Variants in LYPD5 observed in about 807,000 individuals in gnomAD.
The protein encoded by LYPD5 is LY6/PLAUR domain containing 5, also known as ly6/PLAUR domain-containing protein 5.
A neutral mutation model predicts 19.1 loss-of-function variants in LYPD5; 21 were observed. The ratio of observed to expected loss-of-function variants is 1.10; its 90% confidence interval spans 0.78 to 1.58. The LOEUF (loss-of-function observed/expected upper bound fraction) is 1.58. Among genes scored for constraint, LYPD5 ranks in the 40% most tolerant of loss-of-function variants. The pLI is 0.00. For missense variants in LYPD5, 287 were observed against 329.8 expected, an observed-to-expected ratio of 0.87 and a Z score of 1.00; for synonymous variants, 128 against 142.7, an observed-to-expected ratio of 0.90 and a Z score of 0.74.
intron 4 of LYPD5, 67 bp from the exon 5 acceptor site, chr19:43,797,896 C>A: frequency 7.9e-7 from 1 of 1,266,488 alleles, no homozygotes; most frequent in Non-Finnish European, 1.1e-6. Context: ...GAACCTTCAC[C>A]TTGGTAGCTA....
At chr19:43,814,225 G>T (rs146981760) in intron 1 of LYPD5, among the ~76,000 whole-genome samples, 5 of 152,212 alleles carry the variant, frequency 3.3e-5, no homozygotes, top group African/African-American at 1.2e-4. Flanking sequence ...AGGTGTGGTG[G>T]CTCAGCCTGT....
chr19:43,797,615 G>C lies in LYPD5; in HGVS notation c.732C>G (p.Leu244=), dbSNP rs578055689. Residue 244 remains leucine (L), a synonymous_variant, in exon 5 of 5, where the codon CTC becomes CTG. Coordinates refer to ENST00000377950, the MANE Select transcript of LYPD5 (RefSeq NM_001031749.3). ...LQVLALLLPV[L]LLVGLSA ...TCTATGCTGAGAGCCCCACCAGCAG[G>C]AGGACTGGGAGGAGCAGGGCCAGGA... The C allele has an allele frequency of 5.6e-6, 9 of 1,608,380 alleles. No homozygotes were observed. The highest frequency in any genetic ancestry group is 3.3e-5 in the South Asian group (3 of 90,688).
chr19:43,798,670 C>T, intron 3 of LYPD5, 69 bp from the exon 4 acceptor site: 8 of 1,596,666 alleles, frequency 5.0e-6, no homozygotes, highest in Non-Finnish European at 6.8e-6. Context: ...CTGCGCACTG[C>T]GCCAGAGCCC....
At chr19:43,813,538 C>T (rs1239245406) in intron 1 of LYPD5, among the ~76,000 whole-genome samples, 1 of 152,230 alleles carries the variant, frequency 6.6e-6, no homozygotes, top group Non-Finnish European at 1.5e-5. Flanking sequence ...GCATAGCTTT[C>T]ACCCTTGCCA....
At chr19:43,807,830 T>C (rs1241018407) in intron 1 of LYPD5, among the ~76,000 whole-genome samples, 1 of 152,218 alleles carries the variant, frequency 6.6e-6, no homozygotes, top group African/African-American at 2.4e-5. Context: ...TCTGATCAGC[T>C]GAGGCAATGC....
rs759693708 is a variant in LYPD5, at chr19:43,798,837, A to G, written c.345T>C (p.His115=). The G allele has an allele frequency of 5.6e-6, 9 of 1,610,644 alleles. No individual in the cohort carries two copies. The highest frequency in any genetic ancestry group is 6.8e-6 in the Non-Finnish European group (8 of 1,178,670). Residue 115 remains histidine (H), a synonymous_variant, in exon 3 of 5, where the codon CAT becomes CAC. Transcript: ENST00000377950. ...CTTGGCTCAGGTTGGGGAGGGCGTCATGAGTCATGAGGTGGGCGTTGCATT... is the reference window on the plus strand; with the variant it reads ...CTTGGCTCAGGTTGGGGAGGGCGTCGTGAGTCATGAGGTGGGCGTTGCATT... ...TDKCNAHLMT[H]DALPNLSQAP... is the part of the protein sequence containing the mutation.
At chr19:43,818,058 T>A (rs941472286) in intron 1 of LYPD5, among the ~76,000 whole-genome samples, 1 of 151,904 alleles carries the variant, frequency 6.6e-6, no homozygotes. Flanking sequence ...CTATAATGAG[T>A]TCTACCAGAA....
At chr19:43,820,073 C>T (rs1275067201) in intron 1 of LYPD5, among the ~76,000 whole-genome samples, 1 of 151,260 alleles carries the variant, frequency 6.6e-6, no homozygotes, top group Non-Finnish European at 1.5e-5. Flanking sequence ...TACACACAAA[C>T]CCACACACTT....
intron 1 of LYPD5, among the ~76,000 whole-genome samples, chr19:43,818,806 A>T (rs779986308): frequency 1.3e-5 from 2 of 152,044 alleles, no homozygotes; most frequent in Non-Finnish European, 2.9e-5. Flanking sequence ...TCTTAATTCA[A>T]CTCTTGCATG....
intron 1 of LYPD5, 33 bp from the exon 2 acceptor site, chr19:43,799,867 C>T (rs753344728): frequency 6.3e-7 from 1 of 1,578,634 alleles, no homozygotes. Flanking sequence ...GTCAGCAGGG[C>T]CAGTGTGAGC....
rs1324810233 is a variant in LYPD5, at chr19:43,797,758, G to A, written c.589C>T (p.Pro197Ser). The A allele has an allele frequency of 1.2e-6, 2 of 1,614,028 alleles. No homozygotes were observed. The highest frequency in any genetic ancestry group is 2.2e-5 in the East Asian group (1 of 44,876). ...CCCTGGAGGTCGATGGCTGTCCAGG[G>A]GCTGGTGGTGCCCTCGGTGGTGCAG... ...PSCTTEGTTSPWTAIDLQGSC... is the reference protein window; with the variant it reads ...PSCTTEGTTSSWTAIDLQGSC... Residue 197 changes from proline to serine, a missense_variant, in exon 5 of 5, where the codon CCC becomes TCC. Physicochemically the swap from Pro to Ser is moderately conservative, Grantham distance 74. Transcript: ENST00000377950.
intron 1 of LYPD5, among the ~76,000 whole-genome samples, chr19:43,815,339 TAA>T (rs869191310): frequency 7.0e-6 from 1 of 142,610 alleles, no homozygotes. Flanking sequence ...AACCTATTTC[TAA>T]AAAAAAAAAG....
intron 1 of LYPD5, among the ~76,000 whole-genome samples, chr19:43,807,573 C>T (rs935691516): frequency 7.2e-5 from 11 of 152,186 alleles, no homozygotes; most frequent in African/African-American, 2.2e-4. Flanking sequence ...TGAGCCACCG[C>T]GCCTGGCCCA....
At position 43,817,256 on chromosome 19, in the gene LYPD5, A is replaced by G. The variant is rs182573354; in HGVS notation, c.-66+3284T>C. 1.1e-4 allele frequency among the ~76,000 whole-genome samples: 17 copies of G among 152,208 alleles called. No homozygotes were observed. In the East Asian group the frequency reaches 3.3e-3, roughly 29 times the overall value. The stretch of plus-strand genomic sequence containing the variant: ...GGGGGCATGAGAATGACTTGGCCTT[A>G]TGTTTCTCATCATCCCTCAGTCTAG... On this transcript the variant is annotated intron_variant, in intron 1 of 4. Coordinates refer to the LYPD5 transcript ENST00000414615.
intron 1 of LYPD5, among the ~76,000 whole-genome samples, chr19:43,809,230 T>C (rs984193118): frequency 6.6e-6 from 1 of 151,730 alleles, no homozygotes; most frequent in African/African-American, 2.4e-5. Context: ...AGTAGAGACT[T>C]GGTTTCACCA....
At chr19:43,819,519 T>C (rs1326863443) in intron 1 of LYPD5, among the ~76,000 whole-genome samples, 1 of 152,050 alleles carries the variant, frequency 6.6e-6, no homozygotes, top group African/African-American at 2.4e-5. Flanking sequence ...TTTCTGTCCT[T>C]TTTCTAAGTA....
chr19:43,797,823 A>G lies in LYPD5; in HGVS notation c.524T>C (p.Phe175Ser). Residue 175 changes from phenylalanine (F) to serine (S), a missense_variant, in exon 5 of 5, where the codon TTC (phenylalanine) becomes TCC (serine). Coordinates refer to ENST00000377950, the MANE Select transcript of LYPD5 (RefSeq NM_001031749.3). The stretch of plus-strand genomic sequence containing the variant: ...GGTTCTGATGTACACAGGGACTGAG[A>G]AATTGCCTGGAGGTGGGCAAAGCAG... ...QGNGRMTVGN[F>S]SVPVYIRTCH... 1 of 1,612,712 alleles carries G rather than the reference A, an allele frequency of 6.2e-7. No individual in the cohort carries two copies. The highest frequency in any genetic ancestry group is 8.5e-7 in the Non-Finnish European group (1 of 1,179,140).
At chr19:43,820,342 C>A (rs1970408382) in intron 1 of LYPD5, 1 of 152,104 alleles carries the variant, frequency 6.6e-6, no homozygotes, top group Non-Finnish European at 1.5e-5. Context: ...TAGGGCACAT[C>A]CTTGGCTCTA....
chr19:43,804,725 T>C (rs781355166), upstream of LYPD5, among the ~76,000 whole-genome samples: 10 of 152,178 alleles, frequency 6.6e-5, no homozygotes, highest in Non-Finnish European at 1.3e-4. Flanking sequence ...CTCCAGTTTC[T>C]GCCCCAGGCT....
Sources: gnomAD v4.1 joint callset for allele counts (sites outside exome capture counted in the v4.1 genomes callset) on GRCh38, gnomAD v4.1.1 for gene constraint, MANE v1.5 for transcripts, NCBI Gene and HGNC (gene_info 2026-07-23, HGNC 2026-07-21) for gene names.